The following LYPD6B variants were observed in gnomAD, a reference collection of about 807,000 sequenced individuals.
The protein encoded by LYPD6B is LY6/PLAUR domain containing 6B, also known as ly6/PLAUR domain-containing protein 6B.
LYPD6B carries 17 observed loss-of-function variants against 22.8 expected under a neutral mutation model. That is an observed-to-expected ratio of 0.75 (90% CI 0.51 to 1.12). The LOEUF (loss-of-function observed/expected upper bound fraction) is 1.12, where lower values mean the gene tolerates loss of function less well. Among genes scored for constraint, LYPD6B ranks in the 50% most tolerant of loss-of-function variants. The pLI is 0.00. For missense variants in LYPD6B, 221 were observed against 258.3 expected (o/e 0.86, Z 0.99); for synonymous variants, 106 against 91.6 (o/e 1.16, Z -0.90).
rs969894366 is a variant in LYPD6B at position 149,152,117 on chromosome 2, ATTTCTTTTATG to A, written c.6-8635_6-8625del. On this transcript the variant is annotated intron_variant, in intron 2 of 6. Transcript: ENST00000409642. ...CTTTCTTTTCTGTGCTGCCTACAGA[ATTTCTTTTATG>A]TTTCTTTTATGATACTTAGAATATT... Among the ~76,000 whole-genome samples the A allele has an allele frequency of 8.5e-4, 130 of 152,208 alleles. 1 individual carries two copies. Among genetic ancestry groups the A allele is most frequent in the African/African-American group, 2.9e-3 (122 of 41,552 alleles).
intron 3 of LYPD6B, among the ~76,000 whole-genome samples, chr2:149,178,883 G>A (rs965252881): frequency 5.3e-5 from 8 of 152,204 alleles, no homozygotes; most frequent in African/African-American, 1.9e-4. Context: ...CGGCCATTTA[G>A]AGCTTGGTGG....
intron 5 of LYPD6B, among the ~76,000 whole-genome samples, chr2:149,209,034 G>T (rs1693679542): frequency 6.6e-6 from 1 of 152,170 alleles, no homozygotes. Context: ...AAGGGTGATA[G>T]TTGGCTTGGC....
chr2:149,047,421 C>G (rs1683360704), intron 1 of LYPD6B, among the ~76,000 whole-genome samples: 1 of 152,112 alleles, frequency 6.6e-6, no homozygotes, highest in Non-Finnish European at 1.5e-5. Context: ...TTGCTTCATT[C>G]TCTTCTTGTA....
At chr2:149,171,396 A>T (rs1690808596) in intron 3 of LYPD6B, among the ~76,000 whole-genome samples, 1 of 152,072 alleles carries the variant, frequency 6.6e-6, no homozygotes, top group Non-Finnish European at 1.5e-5. Flanking sequence ...TTTTGTGTAG[A>T]CTTGATGTCT....
At chr2:149,201,600 C>G (rs567801137) in intron 3 of LYPD6B, among the ~76,000 whole-genome samples, 1 of 152,240 alleles carries the variant, frequency 6.6e-6, no homozygotes, top group East Asian at 1.9e-4. Context: ...AACATACACA[C>G]TGAAGAATAG....
rs978366648 is a variant in LYPD6B at position 149,051,417 on chromosome 2, G to A, written c.-67+12616G>A. ...CCTGACCTCATGATCCACCCGCCTCGGCCTCCCAAAGTGCTGGGATTACAG... is the reference window on the plus strand; with the variant it reads ...CCTGACCTCATGATCCACCCGCCTCAGCCTCCCAAAGTGCTGGGATTACAG... On this transcript the variant is annotated intron_variant, in intron 1 of 6. Coordinates refer to ENST00000409642, the MANE Select transcript of LYPD6B (RefSeq NM_177964.5). 2.3e-4 allele frequency among the ~76,000 whole-genome samples: 35 copies of A among 151,394 alleles called. 1 individual carries two copies. The highest frequency in any genetic ancestry group is 6.8e-3 in the Middle Eastern group (2 of 292).
At chr2:149,180,084 G>A (rs1293719699) in intron 3 of LYPD6B, among the ~76,000 whole-genome samples, 2 of 152,200 alleles carry the variant, frequency 1.3e-5, no homozygotes, top group African/African-American at 4.8e-5. Context: ...GATTTAATCA[G>A]TATTTGCTGT....
At chr2:149,139,527 C>A (rs911765435) in intron 2 of LYPD6B, among the ~76,000 whole-genome samples, 1 of 152,138 alleles carries the variant, frequency 6.6e-6, no homozygotes, top group African/African-American at 2.4e-5. Flanking sequence ...AACCTAGGGT[C>A]GGCGGTGACA....
At chr2:149,142,942 T>C (rs1242188180) in intron 2 of LYPD6B, among the ~76,000 whole-genome samples, 2 of 152,236 alleles carry the variant, frequency 1.3e-5, no homozygotes, top group African/African-American at 4.8e-5. Flanking sequence ...AGAATAGTTA[T>C]AGATATATGG....
chr2:149,099,482 A>T (rs1170146237), intron 1 of LYPD6B, among the ~76,000 whole-genome samples: 1 of 99,774 alleles, frequency 1.0e-5, no homozygotes. Flanking sequence ...CCCTCATGGT[A>T]GGGTCACAGC....
chr2:149,213,537 T>G (rs1559084618), intron 6 of LYPD6B, among the ~76,000 whole-genome samples: 1 of 152,228 alleles, frequency 6.6e-6, no homozygotes, highest in Non-Finnish European at 1.5e-5. Flanking sequence ...ATTGATGGCT[T>G]TAACGTTCTC....
At chr2:149,208,236 C>T (rs1390705751) in intron 4 of LYPD6B, 78 bp from the exon 5 acceptor site, 1 of 937,928 alleles carries the variant, frequency 1.1e-6, no homozygotes, top group Non-Finnish European at 1.7e-6. Flanking sequence ...GTTAAAGTTG[C>T]TCATTTTGTA....
intron 1 of LYPD6B, among the ~76,000 whole-genome samples, chr2:149,044,052 G>T (rs1683201940): frequency 6.6e-6 from 1 of 152,030 alleles, no homozygotes; most frequent in South Asian, 2.1e-4. Flanking sequence ...CATTTTGGAA[G>T]CACATAGTGT....
At chr2:149,049,915 C>G (rs1040798148) in intron 1 of LYPD6B, among the ~76,000 whole-genome samples, 2 of 152,160 alleles carry the variant, frequency 1.3e-5, no homozygotes, top group Non-Finnish European at 2.9e-5. Flanking sequence ...CCTTGGCTCT[C>G]TCTAGGAGTG....
chr2:149,194,807 G>A (rs1430136552), intron 3 of LYPD6B, among the ~76,000 whole-genome samples: 1 of 152,198 alleles, frequency 6.6e-6, no homozygotes, highest in African/African-American at 2.4e-5. Flanking sequence ...GGGATAGAGG[G>A]TGTTTCTGGA....
At chr2:149,098,724 T>G (rs1287560615) in intron 1 of LYPD6B, among the ~76,000 whole-genome samples, 1 of 151,462 alleles carries the variant, frequency 6.6e-6, no homozygotes, top group Non-Finnish European at 1.5e-5. Context: ...ATTGGAACTT[T>G]GTTTTATGTA....
At chr2:149,132,720 T>C (rs1407932006) in intron 2 of LYPD6B, among the ~76,000 whole-genome samples, 2 of 152,202 alleles carry the variant, frequency 1.3e-5, no homozygotes, top group African/African-American at 4.8e-5. Flanking sequence ...TTTCCACTCT[T>C]GGTAGCTTGT....
chr2:149,110,336 G>GTT (rs1686698009), intron 1 of LYPD6B, among the ~76,000 whole-genome samples: 1 of 151,736 alleles, frequency 6.6e-6, no homozygotes, highest in South Asian at 2.1e-4. Flanking sequence ...TTTCATTATG[G>GTT]TTGCATTTTT....
At chr2:149,063,535 C>A (rs894541534) in intron 1 of LYPD6B, among the ~76,000 whole-genome samples, 1 of 152,062 alleles carries the variant, frequency 6.6e-6, no homozygotes, top group Non-Finnish European at 1.5e-5. Flanking sequence ...TAAAAAGCTG[C>A]CATGTATATT....
Sources: gnomAD v4.1 joint callset for allele counts (sites outside exome capture counted in the v4.1 genomes callset) on GRCh38, gnomAD v4.1.1 for gene constraint, MANE v1.5 for transcripts, NCBI Gene and HGNC (gene_info 2026-07-23, HGNC 2026-07-21) for gene names.